BRAF: variants seen among roughly 807,000 people sequenced by gnomAD.
BRAF encodes serine/threonine-protein kinase B-raf.
BRAF carries 16 observed loss-of-function variants against 104.6 expected under a neutral mutation model. That is an observed-to-expected ratio of 0.15 (90% CI 0.10 to 0.23). The LOEUF (loss-of-function observed/expected upper bound fraction) is 0.23. Ranked by LOEUF, BRAF falls within the 10% of genes least tolerant of loss-of-function variation. BRAF has a pLI of 1.00. For missense variants in BRAF, 541 were observed against 937.3 expected, an observed-to-expected ratio of 0.58 and a Z score of 5.52; for synonymous variants, 310 against 341.6, an observed-to-expected ratio of 0.91 and a Z score of 1.02.
At position 140,725,592 on chromosome 7, in the gene BRAF, CGGCATTTT is replaced by C; in HGVS notation, c.*894_*901del. 3 of 1,057,412 alleles carry C rather than the reference CGGCATTTT, an allele frequency of 2.8e-6. No individual in the cohort carries two copies. The highest frequency in any genetic ancestry group is 3.4e-6 in the Non-Finnish European group (3 of 874,358). 65.5% of individuals were successfully genotyped at this position (1,057,412 alleles called of 1,614,324 possible). On this transcript the variant is annotated 3_prime_UTR_variant, in exon 20 of 20. Transcript: ENST00000644969. Reference sequence around the variant, plus strand: ...GTGGGGGTTTAGTTAGATACTGCCACGGCATTTTGTGCCCTGGACAAAGTAGCCGCATA... The same window carrying C: ...GTGGGGGTTTAGTTAGATACTGCCACGTGCCCTGGACAAAGTAGCCGCATA...
chr7:140,791,324 C>CAA (rs1801944876), intron 8 of BRAF, among the ~76,000 whole-genome samples: 2 of 152,156 alleles, frequency 1.3e-5, no homozygotes, highest in African/African-American at 4.8e-5. Flanking sequence ...ATAGTCCTTT[C>CAA]AGTCTTTATC....
intron 1 of BRAF, among the ~76,000 whole-genome samples, chr7:140,860,923 T>C (rs188943988): frequency 2.0e-5 from 3 of 152,302 alleles, no homozygotes; most frequent in East Asian, 3.9e-4. Context: ...AACTCAAATG[T>C]TCCCTAAGAG....
In BRAF at chr7:140,722,988, A is replaced by T. The variant is rs1372289605; in HGVS notation, c.*3506T>A. On this transcript the variant is annotated 3_prime_UTR_variant, in exon 20 of 20. Transcript: ENST00000644969. ...AGTGCTCAAATACAAGTACACAAAA[A>T]AGTTAAAATCTTAAATCATCGTCAT... is the stretch of plus-strand genomic sequence containing the variant. 1 of 1,054,092 alleles carries T rather than the reference A, an allele frequency of 9.5e-7. No individual in the cohort carries two copies. The highest frequency in any genetic ancestry group is 1.7e-5 in the African/African-American group (1 of 60,424). The allele number at this position is 1,054,092 out of a possible 1,614,324, so 65.3% of individuals were successfully genotyped here.
intron 1 of BRAF, among the ~76,000 whole-genome samples, chr7:140,922,900 A>C (rs1015763215): frequency 6.6e-6 from 1 of 152,222 alleles, no homozygotes; most frequent in African/African-American, 2.4e-5. Context: ...AACAAGGGAA[A>C]CAGAATAAAC....
In BRAF at chr7:140,854,660, A is replaced by T. The variant is rs193096243; in HGVS notation, c.139-4448T>A. Among the ~76,000 whole-genome samples the T allele has an allele frequency of 5.9e-5, 9 of 152,210 alleles. No individual in the cohort carries two copies. In the East Asian group the frequency reaches 1.7e-3, roughly 29 times the overall value. ...TGCTGGGGTATAAAAAACGGTTAAG[A>T]TTGGGCTGGGAGTGGTGGCTCACAC... On this transcript the variant is annotated intron_variant, in intron 1 of 19. Coordinates refer to ENST00000644969, the MANE Select transcript of BRAF (RefSeq NM_001374258.1).
At chr7:140,847,048 G>C (rs774687172) in intron 2 of BRAF, among the ~76,000 whole-genome samples, 4 of 152,078 alleles carry the variant, frequency 2.6e-5, no homozygotes, top group Non-Finnish European at 5.9e-5. Context: ...CCAGCTACTT[G>C]AGAGGCTGAC....
chr7:140,752,247 C>T (rs1797852805), intron 16 of BRAF, among the ~76,000 whole-genome samples: 1 of 152,112 alleles, frequency 6.6e-6, no homozygotes, highest in African/African-American at 2.4e-5. Flanking sequence ...GTTGAGCAGG[C>T]CAGTCAACTC....
At chr7:140,749,468 C>G (rs2128994810) in intron 16 of BRAF, 50 bp from the exon 16 acceptor site, 1 of 1,587,428 alleles carries the variant, frequency 6.3e-7, no homozygotes, top group African/African-American at 1.3e-5. Context: ...TGAATAAAGA[C>G]TGAAAAACAA....
chr7:140,884,429 A>ATATGTGTGTGTG (rs1290111251), intron 1 of BRAF, among the ~76,000 whole-genome samples: 1 of 127,462 alleles, frequency 7.8e-6, no homozygotes, highest in Non-Finnish European at 1.7e-5. Context: ...TATATAAGAT[A>ATATGTGTGTGTG]TGTGTGTGTG....
At chr7:140,812,710 A>G (rs1279179101) in intron 3 of BRAF, among the ~76,000 whole-genome samples, 1 of 152,248 alleles carries the variant, frequency 6.6e-6, no homozygotes, top group Non-Finnish European at 1.5e-5. Context: ...CAATGGAACA[A>G]AACAGAAAGA....
chr7:140,721,940 G>A lies in BRAF; in HGVS notation c.*4554C>T, dbSNP rs1238920358. 6.4e-6 allele frequency: 8 copies of A among 1,254,114 alleles called. No individual in the cohort carries two copies. Among genetic ancestry groups the A allele is most frequent in the Non-Finnish European group, 8.0e-6 (8 of 1,001,518 alleles). 77.7% of individuals were successfully genotyped at this position (1,254,114 alleles called of 1,614,324 possible). On this transcript the variant is annotated 3_prime_UTR_variant, in exon 20 of 20. Coordinates refer to ENST00000644969, the MANE Select transcript of BRAF (RefSeq NM_001374258.1). The stretch of plus-strand genomic sequence containing the variant: ...ACATTTCAAACTCTGAAAAATCAGT[G>A]TCTAGGTTGGCAGCAGTACTCTGGA...
intron 18 of BRAF, among the ~76,000 whole-genome samples, chr7:140,736,514 G>A (rs1451318411): frequency 2.0e-5 from 3 of 150,108 alleles, no homozygotes; most frequent in East Asian, 4.0e-4. Context: ...CGCAACCTCC[G>A]CCTCCTGGGT....
At chr7:140,816,864 A>G (rs1272315320) in intron 3 of BRAF, among the ~76,000 whole-genome samples, 1 of 152,110 alleles carries the variant, frequency 6.6e-6, no homozygotes, top group Non-Finnish European at 1.5e-5. Context: ...ATAATTAATG[A>G]AAAAAACCTG....
At chr7:140,840,801 G>A (rs746163080) in intron 2 of BRAF, among the ~76,000 whole-genome samples, 17 of 149,966 alleles carry the variant, frequency 1.1e-4, no homozygotes, top group East Asian at 2.1e-4. Flanking sequence ...TGCAACTTCC[G>A]CCTCCCAGGC....
In BRAF at chr7:140,765,756, T is replaced by C. The variant is rs563553292; in HGVS notation, c.1814+11156A>G. On this transcript the variant is annotated intron_variant, in intron 14 of 19. Coordinates refer to ENST00000644969, the MANE Select transcript of BRAF (RefSeq NM_001374258.1). ...AAATCAAAACCATAATGAGATACCA[T>C]CTCACACCAATTAGAATGGCAATCA... Among the ~76,000 whole-genome samples the C allele has an allele frequency of 9.8e-3, 1,489 of 152,060 alleles. 25 individuals are homozygous for C. Among genetic ancestry groups the C allele is most frequent in the African/African-American group, 0.034 (1,402 of 41,380 alleles).
chr7:140,785,155 T>C (rs1196099950), intron 10 of BRAF, among the ~76,000 whole-genome samples: 3 of 152,154 alleles, frequency 2.0e-5, no homozygotes, highest in Middle Eastern at 3.2e-3. Flanking sequence ...GACAAAAATA[T>C]ACACATCCCA....
At chr7:140,869,282 C>A (rs1463429102) in intron 1 of BRAF, among the ~76,000 whole-genome samples, 3 of 152,040 alleles carry the variant, frequency 2.0e-5, no homozygotes, top group Admixed American at 1.3e-4. Context: ...TTCCCCCATC[C>A]CCTTCTTAAC....
At chr7:140,770,701 C>A (rs1349211201) in intron 14 of BRAF, among the ~76,000 whole-genome samples, 1 of 151,834 alleles carries the variant, frequency 6.6e-6, no homozygotes, top group African/African-American at 2.4e-5. Context: ...TTTGGGAGGC[C>A]GAGGCGGGCA....
intron 1 of BRAF, among the ~76,000 whole-genome samples, chr7:140,892,913 T>C (rs1338906854): frequency 2.0e-5 from 3 of 152,200 alleles, no homozygotes; most frequent in Non-Finnish European, 4.4e-5. Context: ...AGTTCCTTTG[T>C]GAGAATAACT....
Sources: gnomAD v4.1 joint callset for allele counts (sites outside exome capture counted in the v4.1 genomes callset) on GRCh38, gnomAD v4.1.1 for gene constraint, MANE v1.5 for transcripts, NCBI Gene and HGNC (gene_info 2026-07-23, HGNC 2026-07-21) for gene names.